Variants in HMX1 observed in about 807,000 individuals in gnomAD.
The protein encoded by HMX1 is H6 family homeobox 1.
A neutral mutation model predicts 8.9 loss-of-function variants in HMX1; 8 were observed. The ratio of observed to expected loss-of-function variants is 0.90; its 90% CI spans 0.53 to 1.63. The LOEUF is 1.63. Ranked by LOEUF, HMX1 falls within the 40% of genes most tolerant of loss-of-function variation. The probability of loss-of-function intolerance (pLI) is 0.00; values close to 1 mark genes in which losing one functional copy is unlikely to be tolerated. For missense variants in HMX1, 621 were observed against 558.5 expected (o/e 1.11, Z -1.13); for synonymous variants, 311 against 283.4 (o/e 1.10, Z -0.98).
chr4:8,864,440 G>A (rs1272456605), downstream of HMX1, among the ~76,000 whole-genome samples: 1 of 152,196 alleles, frequency 6.6e-6, no homozygotes, highest in Non-Finnish European at 1.5e-5. Context: ...ACCCGCGAGG[G>A]GGGAGGGTGC....
intron 1 of HMX1, among the ~76,000 whole-genome samples, chr4:8,861,269 G>T (rs572681696): frequency 1.3e-5 from 2 of 152,176 alleles, no homozygotes; most frequent in African/African-American, 4.8e-5. Context: ...CAGAAGCTGC[G>T]GCACCGACTT....
At chr4:8,863,375 T>A (rs1165499598), downstream of HMX1, among the ~76,000 whole-genome samples, 1 of 152,198 alleles carries the variant, frequency 6.6e-6, no homozygotes, top group Non-Finnish European at 1.5e-5. Flanking sequence ...CCACCCGGCC[T>A]CTCCCGCCTC....
rs187555423 is a variant in HMX1, at chr4:8,848,978, G to T, written c.395-2654C>A. 2.0e-5 allele frequency among the ~76,000 whole-genome samples: 3 copies of T among 152,160 alleles called. No individual in the cohort carries two copies. The highest frequency in any genetic ancestry group is 7.2e-5 in the African/African-American group (3 of 41,458). On this transcript the variant is annotated intron_variant, in intron 1 of 1. Coordinates refer to the HMX1 transcript ENST00000506970. This position sits in a 1 kb window ranked among gnomAD's most constrained non-coding sequence, Gnocchi z 4.1. ...GGTAACCTGTCCAGCTCACGTTACC[G>T]CAGGAGCAATTCCTCCTCTCTGAAC...
At chr4:8,851,431 G>A (rs1349197686) in intron 1 of HMX1, among the ~76,000 whole-genome samples, 1 of 152,180 alleles carries the variant, frequency 6.6e-6, no homozygotes, top group Non-Finnish European at 1.5e-5. Flanking sequence ...ACCCCAAGGG[G>A]CAGCTGAGAA....
In HMX1 at chr4:8,849,514, G is replaced by A. The variant is rs1339772644; in HGVS notation, c.395-3190C>T. 6.6e-6 allele frequency among the ~76,000 whole-genome samples: 1 copy of A among 152,080 alleles called. No homozygotes were observed. The highest frequency in any genetic ancestry group is 1.5e-5 in the Non-Finnish European group (1 of 68,028). ...GCCTCTGGAGGGGCACAGCCCGACC[G>A]ACGCCTGGGGCTCAGACTTGTGGTC... On this transcript the variant is annotated intron_variant, in intron 1 of 1. Transcript: ENST00000506970. The surrounding 1 kb of genome is among the most constrained non-coding windows in gnomAD (Gnocchi z 6.6).
At position 8,870,094 on chromosome 4, in the gene HMX1, G is replaced by C. The variant is rs918263882; in HGVS notation, c.394+1127C>G. ...ATGGAAAGGGTTATCTAACAAGTGA[G>C]TGAGGGTCGTAGGCCACTTACTCCC... On this transcript the variant is annotated intron_variant, in intron 1 of 1. Coordinates refer to ENST00000400677, the MANE Select transcript of HMX1 (RefSeq NM_018942.3). This position sits in a 1 kb window ranked among gnomAD's most constrained non-coding sequence, Gnocchi z 4.4. Among the ~76,000 whole-genome samples the C allele has an allele frequency of 6.6e-6, 1 of 152,096 alleles. No individual in the cohort carries two copies. Among genetic ancestry groups the C allele is most frequent in the African/African-American group, 2.4e-5 (1 of 41,398 alleles).
At chr4:8,846,136 C>A in exon 2 of HMX1, 1 of 801,256 alleles carries the variant, frequency 1.2e-6, no homozygotes, top group Non-Finnish European at 2.0e-6. Context: ...GGGAACACTG[C>A]TCCACGCGGT....
At chr4:8,846,445 G>A in intron 1 of HMX1, 1 of 713,720 alleles carries the variant, frequency 1.4e-6, no homozygotes, top group Non-Finnish European at 2.3e-6. Flanking sequence ...TCACAGAGTG[G>A]TCTCCAAACT....
At position 8,867,848 on chromosome 4, in the gene HMX1, G is replaced by A. The variant is rs754707432; in HGVS notation, c.892C>T (p.Pro298Ser). ...AGCGGGAAGGGCAGGGTGGCCGGGG[G>A]CCCAGCGGCGGCTGCGGCCGGGGGG... ...ESPPAAAAAG[P>S]PATLPFPLAP... is the part of the protein sequence containing the mutation. The change falls in exon 2 of 2, where the codon CCC (proline) becomes TCC (serine). Residue 298 changes from proline to serine, a missense_variant. Coordinates refer to ENST00000400677, the MANE Select transcript of HMX1 (RefSeq NM_018942.3). 3 of 1,239,908 alleles carry A rather than the reference G, an allele frequency of 2.4e-6. No individual in the cohort carries two copies. Among genetic ancestry groups the A allele is most frequent in the East Asian group, 6.4e-5 (2 of 31,126 alleles). The allele number at this position is 1,239,908 out of a possible 1,614,324, so 76.8% of individuals were successfully genotyped here.
At position 8,867,559 on chromosome 4, in the gene HMX1, C is replaced by T. The variant is rs1722044430; in HGVS notation, c.*134G>A. 6 of 1,186,872 alleles carry T rather than the reference C, an allele frequency of 5.1e-6. No individual in the cohort carries two copies. Among genetic ancestry groups the T allele is most frequent in the Non-Finnish European group, 6.3e-6 (6 of 959,266 alleles). 73.5% of individuals were successfully genotyped at this position (1,186,872 alleles called of 1,614,324 possible). A position where few individuals can be genotyped will look rare whatever the true frequency, so the allele number is the denominator to read the frequency against. On this transcript the variant is annotated 3_prime_UTR_variant, in exon 2 of 2. Transcript: ENST00000400677. ...CTGAGGCCCGCCCGGCCGCGGCCTG[C>T]GCTCCCGAGGTATCTAGGAGGCCGC... is the stretch of plus-strand genomic sequence containing the variant.
At position 8,847,074 on chromosome 4, in the gene HMX1, G is replaced by A. The variant is rs1470172327; in HGVS notation, c.395-750C>T. Among the ~76,000 whole-genome samples, 3 of 152,146 alleles carry A rather than the reference G, an allele frequency of 2.0e-5. No individual in the cohort carries two copies. Among genetic ancestry groups the A allele is most frequent in the African/African-American group, 2.4e-5 (1 of 41,424 alleles). On this transcript the variant is annotated intron_variant, in intron 1 of 1. Transcript: ENST00000506970. This position sits in a 1 kb window ranked among gnomAD's most constrained non-coding sequence, Gnocchi z 6.0. Reference sequence around the variant, plus strand: ...CAGGCCCAGGGCTGCTGACACAGTGGCAAAGTGGGAATTCCCTGACCATTT... The same window carrying A: ...CAGGCCCAGGGCTGCTGACACAGTGACAAAGTGGGAATTCCCTGACCATTT...
rs1322463094 is a variant in HMX1, at chr4:8,849,924, A to G, written c.395-3600T>C. Among the ~76,000 whole-genome samples the G allele has an allele frequency of 2.0e-5, 3 of 152,184 alleles. No individual in the cohort carries two copies. The highest frequency in any genetic ancestry group is 4.8e-5 in the African/African-American group (2 of 41,452). On this transcript the variant is annotated intron_variant, in intron 1 of 1. Transcript: ENST00000506970. This position sits in a 1 kb window ranked among gnomAD's most constrained non-coding sequence, Gnocchi z 6.6. ...GTCAGGGGGGCCCGATGGGAGGGAC[A>G]CAGGTGGGCAGGTGACAAAGGAAGT...
At chr4:8,846,493 G>A (rs1336799415) in intron 1 of HMX1, among the ~76,000 whole-genome samples, 1 of 152,178 alleles carries the variant, frequency 6.6e-6, no homozygotes, top group Non-Finnish European at 1.5e-5. Context: ...TGTCAACATG[G>A]GGGTTCCCAC....
rs149137727 is a variant in HMX1, at chr4:8,848,651, G to C, written c.395-2327C>G. 1.6e-4 allele frequency among the ~76,000 whole-genome samples: 25 copies of C among 152,240 alleles called. No individual in the cohort carries two copies. In the East Asian group the frequency reaches 4.3e-3, roughly 26 times the overall value. On this transcript the variant is annotated intron_variant, in intron 1 of 1. Transcript: ENST00000506970. This position sits in a 1 kb window ranked among gnomAD's most constrained non-coding sequence, Gnocchi z 4.1. ...GCTGCTGTAGACCAACCTAAACCAG[G>C]CTCCCCCATCCCCCTTTTTTCAGAT...
chr4:8,871,470 C>G lies in HMX1; in HGVS notation c.145G>C (p.Asp49His). 1.5e-6 allele frequency: 2 copies of G among 1,343,694 alleles called. No homozygotes were observed. Among genetic ancestry groups the G allele is most frequent in the African/African-American group, 3.1e-5 (2 of 64,520 alleles). 83.2% of individuals were successfully genotyped at this position (1,343,694 alleles called of 1,614,324 possible). Residue 49 changes from aspartate to histidine, a missense_variant, in exon 1 of 2, where the codon GAC becomes CAC. Coordinates refer to ENST00000400677, the MANE Select transcript of HMX1 (RefSeq NM_018942.3). The surrounding 1 kb of genome is among the most constrained non-coding windows in gnomAD (Gnocchi z 4.8). ...DGSREDEEED[D>H]DDPEDEDAEQ... ...GCGTCCTCGTCTTCGGGGTCGTCGT[C>G]GTCCTCCTCCTCGTCCTCCCGGCTG... is the stretch of plus-strand genomic sequence containing the variant.
chr4:8,861,993 G>A (rs1176016094), intron 1 of HMX1, among the ~76,000 whole-genome samples: 2 of 152,342 alleles, frequency 1.3e-5, no homozygotes, highest in East Asian at 3.9e-4. Context: ...CGGCGCCAAG[G>A]ACCCTTCAGC....
chr4:8,854,849 T>C (rs908929618), intron 1 of HMX1, among the ~76,000 whole-genome samples: 1 of 152,242 alleles, frequency 6.6e-6, no homozygotes, highest in African/African-American at 2.4e-5. Flanking sequence ...TTTGTAGCTA[T>C]AATCACAGGG....
intron 1 of HMX1, among the ~76,000 whole-genome samples, chr4:8,854,110 G>A (rs952421818): frequency 1.3e-5 from 2 of 152,060 alleles, no homozygotes; most frequent in South Asian, 2.1e-4. Context: ...ACCCTGCCTC[G>A]AATGGGTCCT....
chr4:8,850,487 G>C (rs1721412866), intron 1 of HMX1, among the ~76,000 whole-genome samples: 2 of 151,848 alleles, frequency 1.3e-5, no homozygotes, highest in African/African-American at 4.8e-5. Flanking sequence ...CCTGGCTGGG[G>C]GGCAGACTGC....
Sources: allele counts gnomAD v4.1 joint callset (sites outside exome capture counted in the v4.1 genomes callset), GRCh38; gene constraint gnomAD v4.1.1; non-coding constraint Gnocchi (gnomAD v3.1); transcripts MANE v1.5; gene names NCBI Gene and HGNC (gene_info 2026-07-23, HGNC 2026-07-21).